RECQL5: variants seen among roughly 807,000 people sequenced by gnomAD.
The protein encoded by RECQL5 is RecQ like helicase 5.
A neutral mutation model predicts 103.4 loss-of-function variants in RECQL5; 88 were observed. The ratio of observed to expected loss-of-function variants is 0.85; its 90% confidence interval spans 0.72 to 1.02. The LOEUF (loss-of-function observed/expected upper bound fraction) is 1.02, where lower values mean the gene tolerates loss of function less well. Among genes scored for constraint, RECQL5 ranks in the 50% least tolerant of loss-of-function variants. The pLI is 0.00. For missense variants in RECQL5, 1,232 were observed against 1,284.3 expected, an observed-to-expected ratio of 0.96 and a Z score of 0.62; for synonymous variants, 552 against 507.9, an observed-to-expected ratio of 1.09 and a Z score of -1.17.
intron 8 of RECQL5, chr17:75,650,913 G>C: frequency 6.9e-7 from 1 of 1,442,582 alleles, no homozygotes; most frequent in African/African-American, 1.4e-5. Context: ...GAACTGAGTG[G>C]CTTGTGGGGC....
Position 75,661,075 on chromosome 17 carries a change from G to A in RECQL5, c.875-9C>T, listed in dbSNP as rs1368236464. The A allele has an allele frequency of 1.2e-6, 2 of 1,608,926 alleles. No homozygotes were observed. Among genetic ancestry groups the A allele is most frequent in the Admixed American group, 1.7e-5 (1 of 60,024 alleles). On this transcript the variant is annotated splice_polypyrimidine_tract_variant and intron_variant, in intron 5 of 19. Transcript: ENST00000317905. The stretch of plus-strand genomic sequence containing the variant: ...TTCAGAGGCCTTCAGCCCTGTAAAG[G>A]AGGGGAAGATGGAGAAGGGAACTCA...
rs755069037 is a variant in RECQL5 at position 75,647,405 on chromosome 17, T to C, written c.1229+3781A>G. On this transcript the variant is annotated intron_variant, in intron 8 of 19. Transcript: ENST00000317905. ...GACCAACTGGTATTCAAAGAGACAA[T>C]CTGGAATGATGCGTTCTGGCAGAAC... is the stretch of plus-strand genomic sequence containing the variant. 1.3e-6 allele frequency: 2 copies of C among 1,549,720 alleles called. No homozygotes were observed. Among genetic ancestry groups the C allele is most frequent in the Non-Finnish European group, 1.7e-6 (2 of 1,146,896 alleles).
intron 8 of RECQL5, chr17:75,637,502 A>AG (rs1478368581): frequency 6.6e-6 from 1 of 152,288 alleles, no homozygotes; most frequent in Non-Finnish European, 1.5e-5. Flanking sequence ...CGGAACCAAG[A>AG]GGGGACCACT....
rs1015853934 is a variant in RECQL5 at position 75,666,476 on chromosome 17, A to G, written c.82T>C (p.Ser28Pro). The G allele has an allele frequency of 6.2e-7, 1 of 1,614,006 alleles. No homozygotes were observed. The highest frequency in any genetic ancestry group is 1.3e-5 in the African/African-American group (1 of 74,898). ...STLKKVFGFD[S>P]FKTPLQESAT... ...CTCTCCTGTAAAGGCGTCTTAAAAG[A>G]GTCAAACCCAAAGACCTTCTTCAGC... The change falls in exon 2 of 20, where the codon TCT becomes CCT. Residue 28 changes from serine (S) to proline (P), a missense_variant. Coordinates refer to ENST00000317905, the MANE Select transcript of RECQL5 (RefSeq NM_004259.7).
At chr17:75,649,513 GC>G in intron 8 of RECQL5, 1 of 478,422 alleles carries the variant, frequency 2.1e-6, no homozygotes, top group Non-Finnish European at 2.7e-6. Context: ...CTTCTGCTGA[GC>G]CCACCCCACT....
intron 8 of RECQL5, chr17:75,649,801 GA>G (rs1804994421): frequency 1.9e-5 from 19 of 985,488 alleles, no homozygotes; most frequent in Non-Finnish European, 2.3e-5. Context: ...GGCTGCTCAA[GA>G]GGCAGCGCAA....
chr17:75,657,689 T>TACATA, intron 7 of RECQL5, among the ~76,000 whole-genome samples: 1 of 147,018 alleles, frequency 6.8e-6, no homozygotes, highest in Non-Finnish European at 1.5e-5. Flanking sequence ...GAGGCTGCTG[T>TACATA]GAACCATGAC....
chr17:75,627,034 A>T lies in RECQL5; in HGVS notation c.*388T>A, dbSNP rs1490741810. 4 of 391,492 alleles carry T rather than the reference A, an allele frequency of 1.0e-5. No individual in the cohort carries two copies. The highest frequency in any genetic ancestry group is 8.3e-5 in the African/African-American group (4 of 48,178). 24.3% of individuals were successfully genotyped at this position (391,492 alleles called of 1,614,324 possible). On this transcript the variant is annotated 3_prime_UTR_variant, in exon 20 of 20. Transcript: ENST00000317905. Reference sequence around the variant, plus strand: ...TCGTAATGGATGGGGGAGTGGGTGGAGGATCTGAGGGTCCCCTGGGTAGGT... The same window carrying T: ...TCGTAATGGATGGGGGAGTGGGTGGTGGATCTGAGGGTCCCCTGGGTAGGT...
chr17:75,661,544 C>A (rs2059699267), intron 5 of RECQL5, 62 bp downstream of exon 5: 2 of 1,164,258 alleles, frequency 1.7e-6, no homozygotes, highest in African/African-American at 1.5e-5. Flanking sequence ...CTGTAAAGAA[C>A]AAGAGACCAG....
chr17:75,662,526 G>C lies in RECQL5; in HGVS notation c.724C>G (p.Leu242Val). The change falls in exon 4 of 20, where the codon CTG becomes GTG. Residue 242 changes from leucine (L) to valine (V), a missense_variant. Leu to Val is a conservative substitution (Grantham distance 32). Transcript: ENST00000317905. The part of the protein sequence containing the change: ...KELISDPYGN[L>V]KDFCLKALGQ... ...AGAGCCTTAAGGCAGAAGTCCTTCA[G>C]GTTCCCATAGGGATCAGAAATCAGT... 6.2e-7 allele frequency: 1 copy of C among 1,614,162 alleles called. No individual in the cohort carries two copies. Among genetic ancestry groups the C allele is most frequent in the South Asian group, 1.1e-5 (1 of 91,068 alleles).
intron 13 of RECQL5, 141 bp from the exon 14 acceptor site, chr17:75,630,418 T>TA (rs1239507430): frequency 2.9e-5 from 26 of 910,608 alleles, no homozygotes; most frequent in Non-Finnish European, 4.3e-5. Context: ...CCCTGTGGCT[T>TA]ACTGTCCCTC....
rs891500326 is a variant in RECQL5, at chr17:75,633,849, C to T, written c.1230-2181G>A. 2.9e-5 allele frequency: 29 copies of T among 996,170 alleles called. 1 individual carries two copies. The Middle Eastern group carries it at 1.5e-3, about 50-fold the overall frequency. The allele number at this position is 996,170 out of a possible 1,614,324, so 61.7% of individuals were successfully genotyped here. ...CAGCTCCCAACCCAGGCCCAGCCCA[C>T]GGCGTGGGAGTCGGGGAGAGGGAGA... On this transcript the variant is annotated intron_variant, in intron 8 of 19. Transcript: ENST00000317905.
intron 6 of RECQL5, among the ~76,000 whole-genome samples, chr17:75,660,072 T>C (rs1043889652): frequency 2.0e-5 from 3 of 149,672 alleles, no homozygotes; most frequent in Non-Finnish European, 2.9e-5. Context: ...TTTGGTGTTT[T>C]TGTTTGTTTT....
chr17:75,633,399 G>C (rs968195681), intron 8 of RECQL5: 1 of 1,274,340 alleles, frequency 7.8e-7, no homozygotes, highest in Non-Finnish European at 1.0e-6. Context: ...CTGGACTCTG[G>C]AGCCCTGCCC....
chr17:75,657,928 A>G (rs1477589631), intron 7 of RECQL5, among the ~76,000 whole-genome samples: 2 of 152,054 alleles, frequency 1.3e-5, no homozygotes, highest in South Asian at 2.1e-4. Context: ...TGCACCTGTA[A>G]TCCCAGTTAC....
intron 7 of RECQL5, among the ~76,000 whole-genome samples, chr17:75,655,281 G>A (rs968605045): frequency 2.0e-5 from 3 of 150,748 alleles, no homozygotes; most frequent in East Asian, 2.0e-4. Flanking sequence ...CATGTTGGCC[G>A]GCTGGTCTCG....
intron 8 of RECQL5, chr17:75,647,595 A>T (rs964351275): frequency 1.1e-5 from 17 of 1,546,576 alleles, no homozygotes; most frequent in Non-Finnish European, 1.5e-5. Flanking sequence ...AGATGGCAGC[A>T]GGGGAGGCGA....
At chr17:75,637,715 G>A (rs2059351852) in intron 8 of RECQL5, 1 of 152,298 alleles carries the variant, frequency 6.6e-6, no homozygotes, top group African/African-American at 2.4e-5. Flanking sequence ...CCACAAATGT[G>A]GGCTGGGGCT....
At chr17:75,657,028 G>A (rs2059631853) in intron 7 of RECQL5, among the ~76,000 whole-genome samples, 1 of 152,128 alleles carries the variant, frequency 6.6e-6, no homozygotes, top group South Asian at 2.1e-4. Context: ...ACAGGCGTAA[G>A]CCATCGCGCC....
Sources: gnomAD v4.1 joint callset for allele counts (sites outside exome capture counted in the v4.1 genomes callset) on GRCh38, gnomAD v4.1.1 for gene constraint, MANE v1.5 for transcripts, NCBI Gene and HGNC (gene_info 2026-07-23, HGNC 2026-07-21) for gene names.